The following TASP1 variants were observed in gnomAD, a reference collection of about 807,000 sequenced individuals.
The protein encoded by TASP1 is threonine aspartase 1.
Under a neutral mutation model 56.6 loss-of-function variants are expected in TASP1, and 16 were observed. The ratio of observed to expected loss-of-function variants is 0.28; its 90% confidence interval spans 0.19 to 0.43. The LOEUF is 0.43. TASP1 is among the 20% of genes least tolerant of loss of function. The pLI is 1.00. For missense variants in TASP1, 393 were observed against 511.6 expected (o/e 0.77, Z 2.24); for synonymous variants, 179 against 184.2 (o/e 0.97, Z 0.23).
chr20:13,167,438 T>A, the TASP1 span: 1 of 152,194 alleles, frequency 6.6e-6, no homozygotes, highest in African/African-American at 2.4e-5. Flanking sequence ...ACTCAGCCCT[T>A]CTGTTCACAT....
chr20:13,379,496 C>A, the TASP1 span, among the ~76,000 whole-genome samples: 2 of 152,160 alleles, frequency 1.3e-5, no homozygotes, highest in Non-Finnish European at 2.9e-5. Flanking sequence ...TTCTCTCTGG[C>A]TACCCTTAAT....
chr20:13,358,940 A>C, the TASP1 span, among the ~76,000 whole-genome samples: 1 of 149,972 alleles, frequency 6.7e-6, no homozygotes, highest in South Asian at 2.1e-4. Context: ...AGTACCCCTC[A>C]ACCCCTTCTC....
the TASP1 span, chr20:13,167,835 C>T: frequency 6.6e-6 from 1 of 152,146 alleles, no homozygotes; most frequent in Non-Finnish European, 1.5e-5. Flanking sequence ...TTTTAACCAG[C>T]CTTCCTGCGT....
chr20:13,572,640 C>T (rs546883433), intron 6 of TASP1, among the ~76,000 whole-genome samples: 9 of 138,224 alleles, frequency 6.5e-5, no homozygotes, highest in Non-Finnish European at 1.1e-4. Flanking sequence ...GAGCCAAGAT[C>T]GTGCCACTGC....
intron 8 of TASP1, among the ~76,000 whole-genome samples, chr20:13,544,181 C>A (rs985421289): frequency 2.6e-5 from 4 of 152,142 alleles, no homozygotes; most frequent in African/African-American, 9.7e-5. Flanking sequence ...AATTGTATTT[C>A]TTGATATTGG....
intron 10 of TASP1, among the ~76,000 whole-genome samples, chr20:13,505,235 T>C (rs987781304): frequency 1.3e-5 from 2 of 152,092 alleles, no homozygotes; most frequent in Non-Finnish European, 2.9e-5. Context: ...CAATTGTAAA[T>C]ACATATGTAC....
the TASP1 span, among the ~76,000 whole-genome samples, chr20:13,178,129 A>G: frequency 6.9e-3 from 1,044 of 152,258 alleles, 6 homozygotes; most frequent in Non-Finnish European, 0.011. Flanking sequence ...ATACATACAA[A>G]GGGTCAACAA....
chr20:13,434,847 T>C (rs6079066), intron 12 of TASP1, among the ~76,000 whole-genome samples, 197 bp downstream of exon 12: 54,677 of 152,060 alleles, frequency 0.36, 10,679 homozygotes, highest in Non-Finnish European at 0.43. Context: ...ATTCTCTAAG[T>C]GTATACTTAA....
Position 13,543,764 on chromosome 20 carries a change from G to GT in TASP1, c.676-9624dup, listed in dbSNP as rs913668333. ...CCCTCATGCATCTATAAGCAACAAA[G>GT]TATCATAAAATTAATATTCTTTAAT... is the stretch of plus-strand genomic sequence containing the variant. On this transcript the variant is annotated intron_variant, in intron 8 of 13. Transcript: ENST00000337743. 1.1e-3 allele frequency among the ~76,000 whole-genome samples: 171 copies of GT among 152,246 alleles called. 1 individual carries two copies. Among genetic ancestry groups the GT allele is most frequent in the Middle Eastern group, 3.4e-3 (1 of 294 alleles).
chr20:13,572,705 A>AC (rs2046762551), intron 6 of TASP1, among the ~76,000 whole-genome samples: 4 of 150,426 alleles, frequency 2.7e-5, no homozygotes, highest in South Asian at 4.2e-4. Context: ...AAAAAAAAAA[A>AC]CTCTCAAGAA....
chr20:13,207,214 A>G, the TASP1 span, among the ~76,000 whole-genome samples: 1 of 152,240 alleles, frequency 6.6e-6, no homozygotes, highest in African/African-American at 2.4e-5. Context: ...AAGTCAGGTC[A>G]AGGTCTGCTC....
At position 13,588,281 on chromosome 20, in the gene TASP1, G is replaced by GA. The variant is rs879473353; in HGVS notation, c.283-912_283-911insT. ...AGGAAGGAAGGAAGGAAGGAAGGAA[G>GA]GAAGGAAGGAAGGAAGGAAGGAAGG... On this transcript the variant is annotated intron_variant, in intron 4 of 13. Transcript: ENST00000337743. 8.2e-3 allele frequency among the ~76,000 whole-genome samples: 1,121 copies of GA among 136,582 alleles called. 10 individuals carry two copies. The highest frequency in any genetic ancestry group is 0.024 in the South Asian group (100 of 4,206). 89.6% of individuals were successfully genotyped at this position (136,582 alleles called of 152,430 possible).
At chr20:13,509,124 AGTGTGTGTGTGT>A (rs71334125) in intron 10 of TASP1, among the ~76,000 whole-genome samples, 164 of 142,878 alleles carry the variant, frequency 1.1e-3, no homozygotes, top group Middle Eastern at 0.011. Context: ...GAATGAAGAA[AGTGTGTGTGTGT>A]GTGTGTGTGT....
chr20:13,463,179 G>A (rs552946050), intron 11 of TASP1, among the ~76,000 whole-genome samples: 1 of 152,212 alleles, frequency 6.6e-6, no homozygotes, highest in East Asian at 1.9e-4. Context: ...CATATAGATC[G>A]ATGGAATAGA....
chr20:13,531,045 T>A (rs913348895), intron 9 of TASP1, among the ~76,000 whole-genome samples: 2 of 152,188 alleles, frequency 1.3e-5, no homozygotes, highest in African/African-American at 4.8e-5. Flanking sequence ...ACCTACCTCA[T>A]ATTGTTGTCA....
At chr20:13,580,698 C>T (rs1271094371) in intron 6 of TASP1, among the ~76,000 whole-genome samples, 199 bp downstream of exon 6, 6 of 152,122 alleles carry the variant, frequency 3.9e-5, no homozygotes, top group Admixed American at 6.5e-5. Flanking sequence ...CAGTTGAACA[C>T]TGATCCCCTT....
At chr20:13,241,432 TGA>T in the TASP1 span, among the ~76,000 whole-genome samples, 4 of 151,968 alleles carry the variant, frequency 2.6e-5, no homozygotes, top group African/African-American at 9.7e-5. Context: ...GATGCAAAAC[TGA>T]GAGAGGAGAA....
chr20:13,324,234 T>C, the TASP1 span, among the ~76,000 whole-genome samples: 2 of 152,208 alleles, frequency 1.3e-5, no homozygotes, highest in African/African-American at 2.4e-5. Context: ...GTCTCTGACT[T>C]TCACAGCCCC....
intron 12 of TASP1, among the ~76,000 whole-genome samples, chr20:13,429,448 A>T (rs1309872674): frequency 6.6e-6 from 1 of 152,160 alleles, no homozygotes; most frequent in African/African-American, 2.4e-5. Flanking sequence ...CCATGAACAT[A>T]TACAATTATT....
Sources: gnomAD v4.1 joint callset for allele counts (sites outside exome capture counted in the v4.1 genomes callset) on GRCh38, gnomAD v4.1.1 for gene constraint, MANE v1.5 for transcripts, NCBI Gene and HGNC (gene_info 2026-07-23, HGNC 2026-07-21) for gene names.